The following WDR59 variants were observed in gnomAD, a reference collection of about 807,000 sequenced individuals.
WDR59 encodes GATOR2 complex protein WDR59.
Under a neutral mutation model 131.2 loss-of-function variants are expected in WDR59, and 100 were observed. The observed-to-expected ratio is 0.76, with a 90% CI of 0.65 to 0.90. The LOEUF is 0.90. WDR59 is among the 40% of genes least tolerant of loss of function. WDR59 has a pLI of 0.00. For missense variants in WDR59, 1,203 were observed against 1,262.2 expected (o/e 0.95, Z 0.71); for synonymous variants, 601 against 466.2 (o/e 1.29, Z -3.72).
intron 8 of WDR59, among the ~76,000 whole-genome samples, chr16:74,927,904 C>CTTTTT (rs199671092): frequency 2.5e-4 from 34 of 137,906 alleles, no homozygotes; most frequent in African/African-American, 8.9e-4. Flanking sequence ...TTTATTCTTT[C>CTTTTT]TTTCTTTTTT....
At chr16:74,984,830 G>A in intron 1 of WDR59, 134 bp downstream of exon 1, 3 of 1,320,422 alleles carry the variant, frequency 2.3e-6, no homozygotes, top group East Asian at 2.5e-5. Flanking sequence ...CTAAGAGGTC[G>A]GCTAAGCCCC....
intron 2 of WDR59, among the ~76,000 whole-genome samples, chr16:74,958,620 A>AAAAAAAAAAAAAAAAAAAAAAAAAAAAC (rs1199806175): frequency 2.1e-5 from 3 of 141,146 alleles, no homozygotes; most frequent in Non-Finnish European, 4.6e-5. Flanking sequence ...AAAAAAAAAA[A>AAAAAAAAAAAAAAAAAAAAAAAAAAAAC]CAAGCTAAAT....
At position 74,887,656 on chromosome 16, in the gene WDR59, C is replaced by T. The variant is rs140242354; in HGVS notation, c.2419+27G>A. On this transcript the variant is annotated intron_variant, in intron 23 of 25. Coordinates refer to ENST00000262144, the MANE Select transcript of WDR59 (RefSeq NM_030581.4). Reference sequence around the variant, plus strand: ...AGCTCTGGGAGAACTAAAAATCCAGCGTGGGCTAAGTCATTTCCATACAAA... The same window carrying T: ...AGCTCTGGGAGAACTAAAAATCCAGTGTGGGCTAAGTCATTTCCATACAAA... 2.4e-4 allele frequency: 379 copies of T among 1,610,920 alleles called. 3 individuals are homozygous for T. In the African/African-American group the frequency reaches 4.5e-3, roughly 19 times the overall value.
chr16:74,903,252 T>C (rs982533642), intron 18 of WDR59, among the ~76,000 whole-genome samples: 8 of 152,228 alleles, frequency 5.3e-5, no homozygotes, highest in Non-Finnish European at 1.2e-4. Flanking sequence ...CAGTGGTAAC[T>C]CTGTTTAAAA....
In WDR59 at chr16:74,909,738, A is replaced by G; in HGVS notation, c.1486-81T>C. On this transcript the variant is annotated intron_variant, in intron 15 of 25. Coordinates refer to ENST00000262144, the MANE Select transcript of WDR59 (RefSeq NM_030581.4). The stretch of plus-strand genomic sequence containing the variant: ...CAAAATAAAGACCCAGTATGACAAA[A>G]CCAGAAAACCCATGATTTTAGGGAG... 2.6e-6 allele frequency: 4 copies of G among 1,565,850 alleles called. No homozygotes were observed. In the South Asian group the frequency reaches 3.6e-5, roughly 14 times the overall value.
At position 74,872,893 on chromosome 16, in the gene WDR59, C is replaced by T. The variant is rs1597611227; in HGVS notation, c.*1316G>A. The T allele has an allele frequency of 6.6e-6, 1 of 152,002 alleles. No individual in the cohort carries two copies. The highest frequency in any genetic ancestry group is 2.1e-4 in the South Asian group (1 of 4,824). 9.4% of individuals were successfully genotyped at this position (152,002 alleles called of 1,614,324 possible). A position where few individuals can be genotyped will look rare whatever the true frequency, so the allele number is the denominator to read the frequency against. ...GGACCACAGGCATGTGCCACCACAC[C>T]CGGCTATTTTTTTAATTTTTTTTTT... On this transcript the variant is annotated 3_prime_UTR_variant, in exon 26 of 26. Transcript: ENST00000262144.
chr16:74,964,786 C>G (rs2033699702), intron 2 of WDR59, among the ~76,000 whole-genome samples: 1 of 152,104 alleles, frequency 6.6e-6, no homozygotes. Context: ...TACGGTGGCT[C>G]ACACCTGTTA....
intron 2 of WDR59, 64 bp downstream of exon 2, chr16:74,965,709 A>T: frequency 6.3e-7 from 1 of 1,593,732 alleles, no homozygotes; most frequent in East Asian, 2.2e-5. Flanking sequence ...CCAAGTTCCC[A>T]GAAACCCCGA....
intron 1 of WDR59, among the ~76,000 whole-genome samples, chr16:74,982,141 A>T (rs935238970): frequency 8.7e-5 from 13 of 150,008 alleles, no homozygotes; most frequent in East Asian, 2.0e-4. Flanking sequence ...TTAATTAAAA[A>T]TTTTTTAATA....
chr16:74,899,039 G>C (rs972729068), intron 18 of WDR59, among the ~76,000 whole-genome samples: 1 of 152,134 alleles, frequency 6.6e-6, no homozygotes, highest in African/African-American at 2.4e-5. Context: ...CACAGCGTGA[G>C]GTCACCTTGG....
intron 7 of WDR59, among the ~76,000 whole-genome samples, 177 bp downstream of exon 7, chr16:74,942,561 C>A (rs2032315766): frequency 6.6e-6 from 1 of 152,070 alleles, no homozygotes; most frequent in African/African-American, 2.4e-5. Flanking sequence ...CCCTAGTTTC[C>A]TTCAACACTG....
At chr16:74,959,143 C>T (rs1460378189) in intron 2 of WDR59, among the ~76,000 whole-genome samples, 1 of 152,188 alleles carries the variant, frequency 6.6e-6, no homozygotes, top group Non-Finnish European at 1.5e-5. Flanking sequence ...CTATTCTCCC[C>T]TAGAGCAGCC....
Position 74,981,637 on chromosome 16 carries a change from TATATATATATA to T in WDR59, c.54+3316_54+3326del, listed in dbSNP as rs2034417792. Reference sequence around the variant, plus strand: ...ACATATATATATATATATATATATATATATATATATATATATATATATATTTTTTTTTTTTT... The same window carrying T: ...ACATATATATATATATATATATATATTATATATATATATTTTTTTTTTTTT... On this transcript the variant is annotated intron_variant, in intron 1 of 25. Coordinates refer to ENST00000262144, the MANE Select transcript of WDR59 (RefSeq NM_030581.4). Among the ~76,000 whole-genome samples the T allele has an allele frequency of 3.6e-3, 112 of 31,494 alleles. 12 individuals carry two copies. The highest frequency in any genetic ancestry group is 0.013 in the African/African-American group (105 of 7,898). 20.7% of individuals were successfully genotyped at this position (31,494 alleles called of 152,430 possible).
rs566056583 is a variant in WDR59, at chr16:74,910,843, G to A, written c.1390-926C>T. ...GCTGGAGTGCAATGGCATGATCTCC[G>A]CTCACTGCAGCCTCCGCCTCCCAGG... On this transcript the variant is annotated intron_variant, in intron 14 of 25. Transcript: ENST00000262144. Among the ~76,000 whole-genome samples, 5 of 152,058 alleles carry A rather than the reference G, an allele frequency of 3.3e-5. No individual in the cohort carries two copies. In the East Asian group the frequency reaches 9.7e-4, roughly 29 times the overall value.
chr16:74,981,640 A>G (rs1165233595), intron 1 of WDR59, among the ~76,000 whole-genome samples: 2 of 3,814 alleles, frequency 5.2e-4, no homozygotes, highest in Non-Finnish European at 1.4e-3. Context: ...ATATATATAT[A>G]TATATATATA....
intron 18 of WDR59, among the ~76,000 whole-genome samples, chr16:74,898,276 T>C (rs747379112): frequency 5.3e-5 from 8 of 152,174 alleles, no homozygotes; most frequent in Admixed American, 1.3e-4. Flanking sequence ...CCCCTGATCC[T>C]CCTGCATTGC....
At chr16:74,922,991 CA>C (rs1311632378) in intron 9 of WDR59, among the ~76,000 whole-genome samples, 13 of 152,300 alleles carry the variant, frequency 8.5e-5, no homozygotes, top group Admixed American at 2.6e-4. Context: ...CATTATCTCT[CA>C]CCCGTGTGGC....
At chr16:74,900,434 A>G (rs1965498822) in intron 18 of WDR59, among the ~76,000 whole-genome samples, 1 of 152,226 alleles carries the variant, frequency 6.6e-6, no homozygotes, top group Non-Finnish European at 1.5e-5. Flanking sequence ...CTATTAACTT[A>G]AAGATCTCTC....
At chr16:74,955,769 C>A (rs2033258866) in intron 3 of WDR59, among the ~76,000 whole-genome samples, 1 of 152,080 alleles carries the variant, frequency 6.6e-6, no homozygotes, top group African/African-American at 2.4e-5. Context: ...CAGAAGAATT[C>A]CTTTAAATAC....
Sources: allele counts gnomAD v4.1 joint callset (sites outside exome capture counted in the v4.1 genomes callset), GRCh38; gene constraint gnomAD v4.1.1; transcripts MANE v1.5; gene names NCBI Gene and HGNC (gene_info 2026-07-23, HGNC 2026-07-21).